The following ZRANB3 variants were observed in gnomAD, a reference collection of about 807,000 sequenced individuals.
The protein encoded by ZRANB3 is DNA annealing helicase and endonuclease ZRANB3.
Under a neutral mutation model 133.8 loss-of-function variants are expected in ZRANB3, and 125 were observed. That is an observed-to-expected ratio of 0.93 (90% CI 0.81 to 1.08). The LOEUF is 1.08. Among genes scored for constraint, ZRANB3 ranks in the 50% least tolerant of loss-of-function variants. The probability of loss-of-function intolerance (pLI) is 0.00; values close to 1 mark genes in which losing one functional copy is unlikely to be tolerated. For synonymous variants in ZRANB3, 387 were observed against 432.7 expected (o/e 0.89, Z 1.31); for missense variants, 1,229 against 1,275.5 (o/e 0.96, Z 0.56).
intron 9 of ZRANB3, among the ~76,000 whole-genome samples, chr2:135,274,877 A>G (rs1485637933): frequency 1.3e-5 from 2 of 152,196 alleles, no homozygotes; most frequent in Non-Finnish European, 2.9e-5. Flanking sequence ...CACATCTTGC[A>G]CCACGCTTAA....
At chr2:135,392,355 A>AAAG (rs764736324) in intron 2 of ZRANB3, among the ~76,000 whole-genome samples, 26 of 81,992 alleles carry the variant, frequency 3.2e-4, no homozygotes, top group Admixed American at 6.5e-4. Flanking sequence ...AAAAAAAAAA[A>AAAG]GGGGGGGGGG....
intron 9 of ZRANB3, among the ~76,000 whole-genome samples, chr2:135,273,627 C>T (rs1251281366): frequency 1.3e-5 from 2 of 152,030 alleles, no homozygotes; most frequent in Non-Finnish European, 2.9e-5. Context: ...CCTCTGCCTC[C>T]TCCTAGGTTC....
chr2:135,385,509 A>T lies in ZRANB3; in HGVS notation c.180+5293T>A, dbSNP rs188507560. Among the ~76,000 whole-genome samples, 43 of 152,338 alleles carry T rather than the reference A, an allele frequency of 2.8e-4. No individual in the cohort carries two copies. In the East Asian group the frequency reaches 8.1e-3, roughly 29 times the overall value. On this transcript the variant is annotated intron_variant, in intron 3 of 20. Coordinates refer to ENST00000264159, the MANE Select transcript of ZRANB3 (RefSeq NM_032143.4). Reference sequence around the variant, plus strand: ...AAAACTAAAGTTCATATGGAACCAAAAAAGAGCCTGTATTGCCAAGACAAT... The same window carrying T: ...AAAACTAAAGTTCATATGGAACCAATAAAGAGCCTGTATTGCCAAGACAAT...
intron 12 of ZRANB3, among the ~76,000 whole-genome samples, chr2:135,256,207 T>C (rs958321882): frequency 1.3e-5 from 2 of 152,206 alleles, no homozygotes; most frequent in Non-Finnish European, 2.9e-5. Flanking sequence ...TTTGTGTCTC[T>C]ATGGATTTGC....
chr2:135,372,748 C>A (rs1686240512), intron 3 of ZRANB3, among the ~76,000 whole-genome samples: 1 of 148,318 alleles, frequency 6.7e-6, no homozygotes, highest in African/African-American at 2.5e-5. Flanking sequence ...GATTGCGCCA[C>A]TGCACTCCAG....
chr2:135,224,356 A>G (rs1694672328), intron 15 of ZRANB3, 70 bp downstream of exon 15: 1 of 1,174,292 alleles, frequency 8.5e-7, no homozygotes, highest in African/African-American at 1.5e-5. Context: ...AAAATTAAGT[A>G]TCTCCACTGA....
intron 12 of ZRANB3, among the ~76,000 whole-genome samples, chr2:135,233,801 C>A (rs550781468): frequency 1.3e-5 from 2 of 152,136 alleles, no homozygotes; most frequent in Non-Finnish European, 2.9e-5. Flanking sequence ...AAGCACTAAA[C>A]ATGGAAAGGA....
At chr2:135,492,372 G>T (rs1005982668) in intron 2 of ZRANB3, among the ~76,000 whole-genome samples, 1 of 152,138 alleles carries the variant, frequency 6.6e-6, no homozygotes, top group African/African-American at 2.4e-5. Flanking sequence ...AGCATGGACA[G>T]AATGAAATAG....
At chr2:135,290,540 T>G (rs1231529139) in intron 8 of ZRANB3, among the ~76,000 whole-genome samples, 1 of 152,244 alleles carries the variant, frequency 6.6e-6, no homozygotes, top group Non-Finnish European at 1.5e-5. Flanking sequence ...TGATGAATTC[T>G]TATTCATTCT....
rs749096038 is a variant in ZRANB3 at position 135,515,523 on chromosome 2, G to A, written c.-7-11027C>T. On this transcript the variant is annotated intron_variant, in intron 1 of 20. Transcript: ENST00000264159. ...GGTTTCAAAGAATTTATTTACTTCC[G>A]CCTTCATTTCGTTATTTACCCAGTA... 7.9e-5 allele frequency among the ~76,000 whole-genome samples: 12 copies of A among 152,238 alleles called. No individual in the cohort carries two copies. The East Asian group carries it at 9.6e-4, about 12-fold the overall frequency.
At chr2:135,392,507 T>G (rs1235116156) in intron 2 of ZRANB3, among the ~76,000 whole-genome samples, 1 of 152,120 alleles carries the variant, frequency 6.6e-6, no homozygotes, top group Non-Finnish European at 1.5e-5. Context: ...CCCAGCACTT[T>G]GGGAAGCCGA....
At chr2:135,203,668 C>T (rs1573660522) in intron 19 of ZRANB3, among the ~76,000 whole-genome samples, 1 of 140,778 alleles carries the variant, frequency 7.1e-6, no homozygotes, top group East Asian at 2.1e-4. Context: ...CTGAGTCAAA[C>T]AATCTTTAAT....
intron 6 of ZRANB3, among the ~76,000 whole-genome samples, chr2:135,332,736 G>A (rs1396640200): frequency 2.6e-5 from 4 of 152,104 alleles, no homozygotes; most frequent in Admixed American, 2.6e-4. Context: ...TCCTTCGAAG[G>A]TGCTTGTTCA....
Position 135,228,310 on chromosome 2 carries a change from TTG to T in ZRANB3, c.1955-297_1955-296del, listed in dbSNP as rs368820732. On this transcript the variant is annotated intron_variant, in intron 13 of 20. Transcript: ENST00000264159. ...CAGATAAAGAGAACACAACTAAGTTTTGTTTTTTTTTTTTTTTCAGTAAGAAG... is the reference window on the plus strand; with the variant it reads ...CAGATAAAGAGAACACAACTAAGTTTTTTTTTTTTTTTTTTCAGTAAGAAG... The T allele has an allele frequency of 1.8e-4, 37 of 209,832 alleles. No homozygotes were observed. In the South Asian group the frequency reaches 2.8e-3, roughly 16 times the overall value. The allele number at this position is 209,832 out of a possible 1,614,324, so 13.0% of individuals were successfully genotyped here. A position where few individuals can be genotyped will look rare whatever the true frequency, so the allele number is the denominator to read the frequency against.
At chr2:135,206,935 C>T (rs1018335080) in intron 19 of ZRANB3, among the ~76,000 whole-genome samples, 1 of 151,968 alleles carries the variant, frequency 6.6e-6, no homozygotes, top group African/African-American at 2.4e-5. Flanking sequence ...GAGGCTGAGG[C>T]GGGTGGATCA....
At chr2:135,322,804 G>C (rs1210998974) in intron 6 of ZRANB3, among the ~76,000 whole-genome samples, 2 of 152,044 alleles carry the variant, frequency 1.3e-5, no homozygotes, top group African/African-American at 4.8e-5. Flanking sequence ...ATCACCTGAG[G>C]TCAGGAGTGT....
Position 135,207,673 on chromosome 2 carries a change from G to A in ZRANB3, c.2770C>T (p.Gln924Ter), listed in dbSNP as rs774109161. 3.1e-6 allele frequency: 5 copies of A among 1,613,994 alleles called. No individual in the cohort carries two copies. Among genetic ancestry groups the A allele is most frequent in the African/African-American group, 2.7e-5 (2 of 75,036 alleles). ...TCCCAAGAGTTCGCTTTACATGCTTGCTTAGTCTGGCAAGTGGGTTGCTGA... is the reference window on the plus strand; with the variant it reads ...TCCCAAGAGTTCGCTTTACATGCTTACTTAGTCTGGCAAGTGGGTTGCTGA... ...RCQQPTCQTKQACKANSWDSR... is the reference protein window; with the variant it reads ...RCQQPTCQTK The change falls in exon 19 of 21, where the codon CAA becomes TAA. Residue 924 changes from glutamine to a stop codon, truncating the protein, a stop_gained. Transcript: ENST00000264159. LOFTEE classifies it high-confidence loss of function.
chr2:135,234,222 T>C (rs931026678), intron 12 of ZRANB3, among the ~76,000 whole-genome samples: 1 of 152,104 alleles, frequency 6.6e-6, no homozygotes, highest in Non-Finnish European at 1.5e-5. Flanking sequence ...GGTAAAGGGA[T>C]CAATTCAACA....
At chr2:135,520,810 T>C (rs1396207666) in intron 1 of ZRANB3, among the ~76,000 whole-genome samples, 1 of 152,064 alleles carries the variant, frequency 6.6e-6, no homozygotes, top group African/African-American at 2.4e-5. Context: ...ATTGTTTTTT[T>C]TTTAATTTTT....
Sources: gnomAD v4.1 joint callset for allele counts (sites outside exome capture counted in the v4.1 genomes callset) on GRCh38, gnomAD v4.1.1 for gene constraint, MANE v1.5 for transcripts, NCBI Gene and HGNC (gene_info 2026-07-23, HGNC 2026-07-21) for gene names.